Variants in SIPA1L3 observed in about 807,000 individuals in gnomAD.
SIPA1L3 encodes signal induced proliferation associated 1 like 3, also known as signal-induced proliferation-associated 1-like protein 3.
Under a neutral mutation model 150.1 loss-of-function variants are expected in SIPA1L3, and 59 were observed. The observed-to-expected ratio is 0.39, with a 90% CI of 0.32 to 0.49. The LOEUF is 0.49. Among genes scored for constraint, SIPA1L3 ranks in the 20% least tolerant of loss-of-function variants. The probability of loss-of-function intolerance (pLI) is 0.86; values close to 1 mark genes in which losing one functional copy is unlikely to be tolerated. For missense variants in SIPA1L3, 2,211 were observed against 2,489.5 expected, an observed-to-expected ratio of 0.89 and a Z score of 2.38; for synonymous variants, 1,070 against 1,077.6, an observed-to-expected ratio of 0.99 and a Z score of 0.14.
intron 15 of SIPA1L3, among the ~76,000 whole-genome samples, chr19:38,166,431 A>G (rs1414849179): frequency 6.6e-6 from 1 of 151,124 alleles, no homozygotes; most frequent in South Asian, 2.1e-4. Context: ...CACTCCACCC[A>G]GGCGACAGAG....
chr19:37,916,995 A>G (rs1403427085), intron 1 of SIPA1L3, among the ~76,000 whole-genome samples: 1 of 152,034 alleles, frequency 6.6e-6, no homozygotes, highest in African/African-American at 2.4e-5. Context: ...TGAGGCTCAT[A>G]TAGGTAATTA....
At chr19:38,192,337 C>A in intron 17 of SIPA1L3, 27 bp downstream of exon 17, 1 of 1,555,432 alleles carries the variant, frequency 6.4e-7, no homozygotes, top group Non-Finnish European at 8.7e-7. Context: ...CCCCCGCTCC[C>A]GACCCCCAGC....
intron 15 of SIPA1L3, among the ~76,000 whole-genome samples, chr19:38,182,136 C>CAAAAA (rs4006822): frequency 3.8e-5 from 5 of 130,098 alleles, no homozygotes; most frequent in South Asian, 2.4e-4. Context: ...GACCCTGTCT[C>CAAAAA]AAAAAAAAAA....
intron 15 of SIPA1L3, among the ~76,000 whole-genome samples, chr19:38,168,194 C>G (rs899622660): frequency 6.6e-6 from 1 of 152,140 alleles, no homozygotes; most frequent in African/African-American, 2.4e-5. Flanking sequence ...CGAGACCAGC[C>G]TGGCCCACAT....
intron 1 of SIPA1L3, among the ~76,000 whole-genome samples, chr19:38,007,556 A>G (rs1167715181): frequency 6.6e-6 from 1 of 151,818 alleles, no homozygotes; most frequent in Non-Finnish European, 1.5e-5. Flanking sequence ...GGTTTTGTGA[A>G]GATTCCAATG....
At chr19:37,989,912 G>T (rs1461717066) in intron 1 of SIPA1L3, among the ~76,000 whole-genome samples, 8 of 152,164 alleles carry the variant, frequency 5.3e-5, no homozygotes, top group African/African-American at 1.4e-4. Context: ...GGCTTCCCGT[G>T]CACTCAGTCG....
At chr19:38,127,741 C>T (rs1037196961) in intron 9 of SIPA1L3, among the ~76,000 whole-genome samples, 7 of 152,078 alleles carry the variant, frequency 4.6e-5, no homozygotes, top group African/African-American at 1.7e-4. Context: ...TCAAGCAGTC[C>T]TCCTGCCTTG....
intron 1 of SIPA1L3, among the ~76,000 whole-genome samples, chr19:37,934,395 G>A (rs1456564638): frequency 1.3e-5 from 2 of 152,182 alleles, no homozygotes; most frequent in African/African-American, 4.8e-5. Context: ...GGAGTTTGGG[G>A]TTGAGTTGAG....
chr19:37,913,661 G>T (rs1454807258), intron 1 of SIPA1L3, among the ~76,000 whole-genome samples: 5 of 150,740 alleles, frequency 3.3e-5, no homozygotes, highest in African/African-American at 1.2e-4. Flanking sequence ...CTTGTACAGT[G>T]CTGGGATTAC....
At chr19:38,103,525 A>G (rs1970553871) in intron 6 of SIPA1L3, among the ~76,000 whole-genome samples, 1 of 151,472 alleles carries the variant, frequency 6.6e-6, no homozygotes, top group Admixed American at 6.6e-5. Flanking sequence ...CTACTTGGGA[A>G]GCTGAGGCAG....
chr19:38,088,675 C>T, intron 3 of SIPA1L3, 46 bp from the exon 4 acceptor site: 2 of 1,599,566 alleles, frequency 1.3e-6, no homozygotes, highest in Non-Finnish European at 1.7e-6. Context: ...CAGGGCCCCT[C>T]CTTCCCAGAC....
chr19:38,027,033 T>A (rs1968528704), intron 1 of SIPA1L3, among the ~76,000 whole-genome samples: 1 of 152,192 alleles, frequency 6.6e-6, no homozygotes, highest in African/African-American at 2.4e-5. Flanking sequence ...GTTTCACACC[T>A]GTAATCCCAG....
At position 38,082,693 on chromosome 19, in the gene SIPA1L3, C is replaced by T. The variant is rs61729132; in HGVS notation, c.1128C>T (p.Ser376=). ...CCACCACGGGTGCTTCGGCCGCTTC[C>T]GCCGCCTCGGCCATGGCCTCCCTCA... ...RNTTTGASAA[S]AASAMASLTA... is the part of the protein sequence containing the mutation. Residue 376 remains serine (S), a synonymous_variant, in exon 3 of 22, where the codon TCC becomes TCT. Coordinates refer to ENST00000222345, the MANE Select transcript of SIPA1L3 (RefSeq NM_015073.3). 2.6e-4 allele frequency: 414 copies of T among 1,609,772 alleles called. No homozygotes were observed. In the African/African-American group the frequency reaches 2.8e-3, roughly 11 times the overall value.
At chr19:38,151,251 G>C (rs948517554) in intron 12 of SIPA1L3, among the ~76,000 whole-genome samples, 2 of 152,164 alleles carry the variant, frequency 1.3e-5, no homozygotes, top group African/African-American at 2.4e-5. Flanking sequence ...GACGGTGCTG[G>C]GTAACAGACA....
intron 9 of SIPA1L3, among the ~76,000 whole-genome samples, chr19:38,120,316 A>G (rs1970987858): frequency 6.6e-6 from 1 of 151,812 alleles, no homozygotes; most frequent in Admixed American, 6.6e-5. Context: ...AAAAAAAGAA[A>G]AGAAAATTAG....
intron 13 of SIPA1L3, 128 bp downstream of exon 13, chr19:38,153,095 G>A (rs981412316): frequency 1.5e-4 from 182 of 1,253,208 alleles, no homozygotes; most frequent in Admixed American, 3.8e-4. Context: ...AGCTGTAAGC[G>A]CCACATGTAA....
chr19:38,171,019 A>G (rs760494490), intron 15 of SIPA1L3, among the ~76,000 whole-genome samples: 2 of 152,168 alleles, frequency 1.3e-5, no homozygotes, highest in Non-Finnish European at 2.9e-5. Flanking sequence ...CTCAGTATGT[A>G]TATATACAAC....
intron 1 of SIPA1L3, among the ~76,000 whole-genome samples, chr19:37,972,311 A>C (rs1049754820): frequency 1.3e-5 from 2 of 152,120 alleles, no homozygotes; most frequent in Admixed American, 6.6e-5. Flanking sequence ...TTGAAATACG[A>C]AGATAAATTT....
chr19:37,918,711 A>G (rs1189719138), intron 1 of SIPA1L3, among the ~76,000 whole-genome samples: 1 of 151,742 alleles, frequency 6.6e-6, no homozygotes, highest in Non-Finnish European at 1.5e-5. Flanking sequence ...CTCTACTAAA[A>G]ATAGAAAAAA....
Sources: allele counts gnomAD v4.1 joint callset (sites outside exome capture counted in the v4.1 genomes callset), GRCh38; gene constraint gnomAD v4.1.1; transcripts MANE v1.5; gene names NCBI Gene and HGNC (gene_info 2026-07-23, HGNC 2026-07-21).